The following LAMA2 variants were observed in gnomAD, a reference collection of about 807,000 sequenced individuals.
LAMA2 encodes the protein laminin subunit alpha-2.
LAMA2 carries 269 observed loss-of-function variants against 364.8 expected under a neutral mutation model. That is an observed-to-expected ratio of 0.74 (90% CI 0.67 to 0.82). The LOEUF is 0.82. LAMA2 is among the 40% of genes least tolerant of loss of function. LAMA2 has a pLI of 0.00. For missense variants in LAMA2, 3,807 were observed against 3,873.2 expected, an observed-to-expected ratio of 0.98 and a Z score of 0.45; for synonymous variants, 1,379 against 1,370.6, an observed-to-expected ratio of 1.01 and a Z score of -0.14.
chr6:129,441,939 C>T (rs923278445), intron 43 of LAMA2, among the ~76,000 whole-genome samples: 7 of 151,652 alleles, frequency 4.6e-5, no homozygotes, highest in East Asian at 1.9e-4. Flanking sequence ...GCTGTGATCA[C>T]GCCACTGCAC....
chr6:129,388,225 C>T (rs1779126785), intron 35 of LAMA2, among the ~76,000 whole-genome samples: 1 of 148,584 alleles, frequency 6.7e-6, no homozygotes, highest in South Asian at 2.1e-4. Context: ...CACTGCACTC[C>T]AGCCTGGGCA....
At chr6:129,069,499 C>G (rs981927936) in intron 3 of LAMA2, among the ~76,000 whole-genome samples, 7 of 147,482 alleles carry the variant, frequency 4.7e-5, no homozygotes, top group African/African-American at 1.7e-4. Flanking sequence ...ATGAAGAGAC[C>G]GTATTTATTA....
intron 8 of LAMA2, chr6:129,158,070 C>G (rs1387684227): frequency 3.1e-6 from 5 of 1,612,072 alleles, no homozygotes; most frequent in Non-Finnish European, 4.2e-6. Flanking sequence ...TCCTTGGGTG[C>G]CATACGTTTC....
chr6:129,062,352 A>G (rs999730323), intron 3 of LAMA2, among the ~76,000 whole-genome samples: 14 of 152,190 alleles, frequency 9.2e-5, no homozygotes, highest in African/African-American at 3.4e-4. Context: ...GGCAACATGA[A>G]TAGTCTGAAT....
At chr6:129,247,991 CCCGGGCT>C (rs1414343603) in intron 12 of LAMA2, among the ~76,000 whole-genome samples, 1 of 152,162 alleles carries the variant, frequency 6.6e-6, no homozygotes, top group African/African-American at 2.4e-5. Context: ...ATCCCCAACT[CCCGGGCT>C]ATACAGGTCT....
At chr6:129,179,232 C>T (rs1780790086) in intron 10 of LAMA2, among the ~76,000 whole-genome samples, 1 of 151,904 alleles carries the variant, frequency 6.6e-6, no homozygotes, top group Non-Finnish European at 1.5e-5. Context: ...CTTGTGTGTG[C>T]TTTATTCTCT....
At chr6:129,054,202 T>A (rs572056796) in intron 2 of LAMA2, among the ~76,000 whole-genome samples, 142 of 152,168 alleles carry the variant, frequency 9.3e-4, no homozygotes, top group African/African-American at 3.3e-3. Context: ...CTCAGGGGAA[T>A]AGGAGGGGAT....
chr6:129,441,402 A>C (rs959298121), intron 43 of LAMA2, among the ~76,000 whole-genome samples: 1 of 152,162 alleles, frequency 6.6e-6, no homozygotes, highest in Non-Finnish European at 1.5e-5. Flanking sequence ...ACTTGTTAGA[A>C]CAGGATATGA....
At chr6:128,900,037 C>T (rs1776989763) in intron 1 of LAMA2, among the ~76,000 whole-genome samples, 1 of 152,102 alleles carries the variant, frequency 6.6e-6, no homozygotes, top group Admixed American at 6.5e-5. Flanking sequence ...AAAGTCCTTC[C>T]TATTTCAGGC....
At chr6:129,158,258 T>C (rs1779242713) in intron 8 of LAMA2, 1 of 1,614,058 alleles carries the variant, frequency 6.2e-7, no homozygotes, top group East Asian at 2.2e-5. Flanking sequence ...TGAAACCAAG[T>C]ATGTTTTCAT....
chr6:129,370,102 T>C, intron 34 of LAMA2, 112 bp downstream of exon 34: 1 of 840,778 alleles, frequency 1.2e-6, no homozygotes, highest in Non-Finnish European at 2.0e-6. Context: ...CCCAATTTGG[T>C]ATATAAAATA....
rs563711873 is a variant in LAMA2, at chr6:128,949,016, A to G, written c.112+65659A>G. On this transcript the variant is annotated intron_variant, in intron 1 of 64. Transcript: ENST00000421865. The stretch of plus-strand genomic sequence containing the variant: ...TGTGATATTTGGTATTTTCTAGTCC[A>G]TTAGTGCACATCCCCCCGATGTAGG... Among the ~76,000 whole-genome samples the G allele has an allele frequency of 2.0e-3, 306 of 152,346 alleles. 1 individual carries two copies. Among genetic ancestry groups the G allele is most frequent in the Non-Finnish European group, 3.4e-3 (234 of 68,022 alleles).
At chr6:129,236,748 T>A (rs1456383302) in intron 12 of LAMA2, among the ~76,000 whole-genome samples, 2 of 151,388 alleles carry the variant, frequency 1.3e-5, no homozygotes, top group East Asian at 3.9e-4. Context: ...CTCACACACA[T>A]ATAAGTATAT....
At chr6:129,051,696 C>T (rs201420954) in intron 2 of LAMA2, among the ~76,000 whole-genome samples, 214 of 32,214 alleles carry the variant, frequency 6.6e-3, no homozygotes, top group African/African-American at 0.035. Context: ...ATCTATAGAT[C>T]GATCTATAGA....
intron 3 of LAMA2, among the ~76,000 whole-genome samples, chr6:129,087,196 C>T (rs1403376307): frequency 6.6e-6 from 1 of 152,198 alleles, no homozygotes; most frequent in Admixed American, 6.5e-5. Flanking sequence ...ACTGTTTACT[C>T]TACCATAACT....
chr6:129,155,287 G>A (rs1272874036), intron 8 of LAMA2, among the ~76,000 whole-genome samples: 3 of 152,064 alleles, frequency 2.0e-5, no homozygotes, highest in Non-Finnish European at 2.9e-5. Context: ...ATAGGTAGAT[G>A]CTTAACTTTA....
intron 17 of LAMA2, among the ~76,000 whole-genome samples, chr6:129,275,358 A>G (rs1788233161): frequency 6.6e-6 from 1 of 152,012 alleles, no homozygotes; most frequent in Non-Finnish European, 1.5e-5. Flanking sequence ...AAGTGCCTTG[A>G]TAGTGATTAT....
chr6:129,225,941 G>A (rs1334551471), intron 12 of LAMA2, among the ~76,000 whole-genome samples: 2 of 152,156 alleles, frequency 1.3e-5, no homozygotes, highest in African/African-American at 2.4e-5. Flanking sequence ...GGGTGTTAAA[G>A]TCTCCCATTA....
chr6:129,472,849 C>G (rs1355068115), intron 51 of LAMA2, among the ~76,000 whole-genome samples: 1 of 151,878 alleles, frequency 6.6e-6, no homozygotes. Context: ...TATCTGATTC[C>G]TAATTAGATA....
Sources: gnomAD v4.1 joint callset for allele counts (sites outside exome capture counted in the v4.1 genomes callset) on GRCh38, gnomAD v4.1.1 for gene constraint, MANE v1.5 for transcripts, NCBI Gene and HGNC (gene_info 2026-07-23, HGNC 2026-07-21) for gene names.